SLC4A7: variants seen among roughly 807,000 people sequenced by gnomAD.
SLC4A7 encodes solute carrier family 4 member 7, also known as sodium bicarbonate cotransporter 3.
Under a neutral mutation model 137.6 loss-of-function variants are expected in SLC4A7, and 51 were observed. That is an observed-to-expected ratio of 0.37 (90% CI 0.30 to 0.47). The LOEUF is 0.47. Ranked by LOEUF, SLC4A7 falls within the 20% of genes least tolerant of loss-of-function variation. The probability of loss-of-function intolerance (pLI) is 1.00; values close to 1 mark genes in which losing one functional copy is unlikely to be tolerated. For missense variants in SLC4A7, 1,247 were observed against 1,525.4 expected (o/e 0.82, Z 3.04); for synonymous variants, 542 against 518.6 (o/e 1.05, Z -0.61).
intron 8 of SLC4A7, 136 bp from the exon 9 acceptor site, chr3:27,421,915 C>A: frequency 7.8e-6 from 5 of 644,822 alleles, no homozygotes; most frequent in Non-Finnish European, 1.3e-5. Flanking sequence ...TTTAAAATGT[C>A]AAAATTTTCA....
intron 1 of SLC4A7, among the ~76,000 whole-genome samples, chr3:27,472,443 C>A (rs2059288327): frequency 6.6e-6 from 1 of 151,906 alleles, no homozygotes; most frequent in Non-Finnish European, 1.5e-5. Context: ...TCACTGCACT[C>A]CAGCCTGGGC....
intron 1 of SLC4A7, among the ~76,000 whole-genome samples, chr3:27,464,275 A>G (rs2058854557): frequency 1.3e-5 from 2 of 152,368 alleles, no homozygotes; most frequent in South Asian, 4.1e-4. Context: ...ATAGAAGGAT[A>G]TATAAGTTAG....
rs572198668 is a variant in SLC4A7, at chr3:27,474,935, C to T, written c.60+9132G>A. Among the ~76,000 whole-genome samples, 184 of 152,090 alleles carry T rather than the reference C, an allele frequency of 1.2e-3. 1 individual carries two copies. The highest frequency in any genetic ancestry group is 4.0e-3 in the African/African-American group (166 of 41,488). On this transcript the variant is annotated intron_variant, in intron 1 of 25. Transcript: ENST00000454389. The stretch of plus-strand genomic sequence containing the variant: ...CCTGCCTGGCCAACATGGTGAAACC[C>T]CATCTCTACTACAAACACAAAAAAA...
At chr3:27,422,450 T>C (rs2055079858) in intron 8 of SLC4A7, among the ~76,000 whole-genome samples, 1 of 152,086 alleles carries the variant, frequency 6.6e-6, no homozygotes, top group Non-Finnish European at 1.5e-5. Context: ...GTTGTTTTTT[T>C]GTAGAGGTGG....
chr3:27,437,519 T>C lies in SLC4A7; in HGVS notation c.297A>G (p.Pro99=), dbSNP rs755529792. 1.9e-6 allele frequency: 3 copies of C among 1,551,950 alleles called. No individual in the cohort carries two copies. The highest frequency in any genetic ancestry group is 1.2e-5 in the South Asian group (1 of 80,458). Residue 99 remains proline, a synonymous_variant, in exon 4 of 26, where the codon CCA becomes CCG. Coordinates refer to ENST00000454389, the MANE Select transcript of SLC4A7 (RefSeq NM_001321103.2). ...CAAGGATAAACTGAACTCTCTGGGA[T>C]GGTGTATCTTTACAAAATAAGAATT... is the stretch of plus-strand genomic sequence containing the variant. ...DGRESPSYDT[P]SQRVQFILGT... is the part of the protein sequence containing the mutation.
rs1478535445 is a variant in SLC4A7 at position 27,424,075 on chromosome 3, C to T, written c.1228G>A (p.Gly410Ser). ...ACAGTACTATTTTCTCTGCTTCCAC[C>T]ACTTCCATTACCTTTAATTTCTCCA... ...KSGEIKGNGS[G>S]GSRENSTVDF... Residue 410 changes from glycine to serine, a missense_variant, in exon 8 of 26, where the codon GGT becomes AGT. By Grantham distance (56) the Gly-to-Ser change is moderately conservative. Transcript: ENST00000454389. 1 of 1,611,086 alleles carries T rather than the reference C, an allele frequency of 6.2e-7. No individual in the cohort carries two copies. The highest frequency in any genetic ancestry group is 1.7e-5 in the Admixed American group (1 of 59,846).
intron 7 of SLC4A7, among the ~76,000 whole-genome samples, chr3:27,427,852 T>G (rs1021144546): frequency 5.3e-5 from 8 of 152,186 alleles, no homozygotes; most frequent in African/African-American, 1.9e-4. Flanking sequence ...GGCCGATAAA[T>G]CTCATCACAA....
At chr3:27,383,086 C>G (rs1041153579) in intron 24 of SLC4A7, 67 bp downstream of exon 24, 3 of 892,028 alleles carry the variant, frequency 3.4e-6, no homozygotes, top group East Asian at 2.4e-5. Context: ...TTTAAAGAAG[C>G]ATTATATGAC....
rs2049712402 is a variant in SLC4A7, at chr3:27,373,654, C to A, written c.*3110G>T. The A allele has an allele frequency of 6.6e-6, 1 of 152,082 alleles. No individual in the cohort carries two copies. The highest frequency in any genetic ancestry group is 6.6e-5 in the Admixed American group (1 of 15,264). The allele number at this position is 152,082 out of a possible 1,614,324, so 9.4% of individuals were successfully genotyped here. A position where few individuals can be genotyped will look rare whatever the true frequency, so the allele number is the denominator to read the frequency against. Reference sequence around the variant, plus strand: ...TTAAACAGCAAGCTCTGGTGTTATACCTCAGTTTCAGAAAGCATTTTTCTT... The same window carrying A: ...TTAAACAGCAAGCTCTGGTGTTATAACTCAGTTTCAGAAAGCATTTTTCTT... On this transcript the variant is annotated 3_prime_UTR_variant, in exon 26 of 26. Transcript: ENST00000454389.
chr3:27,425,654 C>A (rs1159402613), intron 7 of SLC4A7, among the ~76,000 whole-genome samples: 2 of 82,222 alleles, frequency 2.4e-5, no homozygotes, highest in African/African-American at 1.0e-4. Flanking sequence ...CCAGCCTGGG[C>A]AACAAGAGCA....
chr3:27,383,439 A>G (rs1248111629), intron 23 of SLC4A7, among the ~76,000 whole-genome samples, 189 bp from the exon 24 acceptor site: 1 of 152,220 alleles, frequency 6.6e-6, no homozygotes, highest in East Asian at 1.9e-4. Flanking sequence ...CTTGTAAAAC[A>G]TGACTAATTT....
chr3:27,481,334 T>C (rs1464491716), intron 1 of SLC4A7, among the ~76,000 whole-genome samples: 3 of 152,208 alleles, frequency 2.0e-5, no homozygotes. Flanking sequence ...GAAGCAACCA[T>C]AGAGGCTAAA....
intron 16 of SLC4A7, among the ~76,000 whole-genome samples, 199 bp from the exon 17 acceptor site, chr3:27,398,552 T>C (rs1369510895): frequency 1.3e-5 from 2 of 152,188 alleles, no homozygotes; most frequent in Admixed American, 1.3e-4. Context: ...GTTCAAGATA[T>C]TATAATTTGA....
At chr3:27,465,977 AAG>A (rs2058974760) in intron 1 of SLC4A7, among the ~76,000 whole-genome samples, 1 of 151,132 alleles carries the variant, frequency 6.6e-6, no homozygotes, top group Non-Finnish European at 1.5e-5. Flanking sequence ...GAAAGAAAGA[AAG>A]AAAGAAAACT....
intron 3 of SLC4A7, among the ~76,000 whole-genome samples, chr3:27,447,341 G>T (rs978385995): frequency 6.6e-6 from 1 of 152,108 alleles, no homozygotes; most frequent in Non-Finnish European, 1.5e-5. Context: ...CTAGGGCTTG[G>T]TAGAATGTTT....
intron 22 of SLC4A7, among the ~76,000 whole-genome samples, chr3:27,389,129 C>T (rs2051273976): frequency 6.6e-6 from 1 of 151,916 alleles, no homozygotes; most frequent in African/African-American, 2.4e-5. Flanking sequence ...GCATTGAAGT[C>T]TTCTTGAATA....
At chr3:27,448,859 A>G (rs1346223909) in intron 2 of SLC4A7, 62 bp from the exon 3 acceptor site, 2 of 1,215,612 alleles carry the variant, frequency 1.6e-6, no homozygotes, top group East Asian at 2.5e-5. Context: ...GATATATACA[A>G]AAGTACTCCA....
intron 3 of SLC4A7, among the ~76,000 whole-genome samples, chr3:27,445,454 C>G (rs748508753): frequency 1.3e-5 from 2 of 152,138 alleles, no homozygotes; most frequent in African/African-American, 2.4e-5. Context: ...TCTCCTCTCT[C>G]AGAAACCAAA....
intron 14 of SLC4A7, among the ~76,000 whole-genome samples, chr3:27,404,321 C>T (rs13078172): frequency 0.22 from 33,755 of 152,158 alleles, 3,881 homozygotes; most frequent in Non-Finnish European, 0.27. Context: ...GAGCCAAGAT[C>T]GCACCACTGC....
Sources: gnomAD v4.1 joint callset for allele counts (sites outside exome capture counted in the v4.1 genomes callset) on GRCh38, gnomAD v4.1.1 for gene constraint, MANE v1.5 for transcripts, NCBI Gene and HGNC (gene_info 2026-07-23, HGNC 2026-07-21) for gene names.